REC114: variants seen among roughly 807,000 people sequenced by gnomAD.
REC114 encodes REC114 meiotic recombination protein, also known as meiotic recombination protein REC114.
A neutral mutation model predicts 31.3 loss-of-function variants in REC114; 27 were observed. The ratio of observed to expected loss-of-function variants is 0.86; its 90% CI spans 0.64 to 1.19. REC114 has a LOEUF of 1.19. Ranked by LOEUF, REC114 falls within the 50% of genes most tolerant of loss-of-function variation. The pLI is 0.00. For missense variants in REC114, 344 were observed against 326.9 expected (o/e 1.05, Z -0.40); for synonymous variants, 134 against 127.7 (o/e 1.05, Z -0.33).
intron 1 of REC114, among the ~76,000 whole-genome samples, chr15:73,453,161 C>A (rs1892873200): frequency 6.6e-6 from 1 of 152,156 alleles, no homozygotes; most frequent in African/African-American, 2.4e-5. Flanking sequence ...AGAGCTTCTG[C>A]ACAGCAAAAG....
Position 73,525,176 on chromosome 15 carries a change from C to A in REC114, c.250-15309C>A, listed in dbSNP as rs529538656. The stretch of plus-strand genomic sequence containing the variant: ...AAAGTGCAGGGATTACAGACATGAG[C>A]CAAGTTGTACTATTCTTACTATCTT... On this transcript the variant is annotated intron_variant, in intron 2 of 5. Coordinates refer to ENST00000331090, the MANE Select transcript of REC114 (RefSeq NM_001042367.2). Among the ~76,000 whole-genome samples, 6 of 152,258 alleles carry A rather than the reference C, an allele frequency of 3.9e-5. No individual in the cohort carries two copies. In the East Asian group the frequency reaches 1.2e-3, roughly 29 times the overall value.
chr15:73,473,649 C>CTA (rs912106517), intron 1 of REC114, among the ~76,000 whole-genome samples, 183 bp from the exon 2 acceptor site: 2 of 151,846 alleles, frequency 1.3e-5, no homozygotes, highest in African/African-American at 4.8e-5. Context: ...GGCTGTTAGC[C>CTA]TATATATATG....
In REC114 at chr15:73,538,898, TA is replaced by T. The variant is rs879777585; in HGVS notation, c.250-1573del. On this transcript the variant is annotated intron_variant, in intron 2 of 5. Transcript: ENST00000331090. ...CCTGAGTTGTTTCCAATCTTATGTTTAAAAAAAAAAAAAAGCAGAAATGCTT... is the reference window on the plus strand; with the variant it reads ...CCTGAGTTGTTTCCAATCTTATGTTTAAAAAAAAAAAAAGCAGAAATGCTT... Among the ~76,000 whole-genome samples, 1,389 of 140,482 alleles carry T rather than the reference TA, an allele frequency of 9.9e-3. 7 individuals are homozygous for T. The highest frequency in any genetic ancestry group is 0.013 in the Non-Finnish European group (803 of 64,124). The allele number at this position is 140,482 out of a possible 152,430, so 92.2% of individuals were successfully genotyped here. A position where few individuals can be genotyped will look rare whatever the true frequency, so the allele number is the denominator to read the frequency against.
chr15:73,493,454 TAA>T (rs548115913), intron 2 of REC114, among the ~76,000 whole-genome samples: 84 of 152,330 alleles, frequency 5.5e-4, no homozygotes, highest in Non-Finnish European at 8.1e-4. Flanking sequence ...TCTTGAGGGT[TAA>T]GTTTTCCCCT....
intron 1 of REC114, among the ~76,000 whole-genome samples, chr15:73,473,282 G>A (rs540552353): frequency 6.6e-6 from 1 of 151,974 alleles, no homozygotes; most frequent in East Asian, 1.9e-4. Context: ...CCAGCTACTC[G>A]CGAGGCTGAG....
chr15:73,507,025 A>G (rs1391712930), intron 2 of REC114, among the ~76,000 whole-genome samples: 1 of 152,184 alleles, frequency 6.6e-6, no homozygotes, highest in Admixed American at 6.5e-5. Context: ...AGCTTGCTAC[A>G]TAAAAAAATT....
intron 4 of REC114, among the ~76,000 whole-genome samples, chr15:73,552,149 C>G (rs187856428): frequency 1.3e-5 from 2 of 152,316 alleles, no homozygotes; most frequent in African/African-American, 4.8e-5. Flanking sequence ...GCCATGGTTT[C>G]AGATTCTATA....
chr15:73,457,470 C>T (rs894445560), intron 1 of REC114, among the ~76,000 whole-genome samples: 1 of 152,132 alleles, frequency 6.6e-6, no homozygotes, highest in African/African-American at 2.4e-5. Context: ...GCACTGACCT[C>T]CTAGGACTCG....
At chr15:73,526,289 G>C (rs1201509704) in intron 2 of REC114, among the ~76,000 whole-genome samples, 1 of 152,056 alleles carries the variant, frequency 6.6e-6, no homozygotes, top group Non-Finnish European at 1.5e-5. Flanking sequence ...TCTTTTCAGG[G>C]TTTAGACCCT....
chr15:73,558,729 G>A (rs1014725539), intron 5 of REC114, among the ~76,000 whole-genome samples: 52 of 152,306 alleles, frequency 3.4e-4, no homozygotes, highest in African/African-American at 1.2e-3. Context: ...AAATGGGACA[G>A]CCACTATAGA....
chr15:73,482,636 T>C (rs1462585729), intron 2 of REC114, among the ~76,000 whole-genome samples: 3 of 152,376 alleles, frequency 2.0e-5, no homozygotes, highest in Middle Eastern at 3.4e-3. Context: ...CATAATGTTA[T>C]CAAGATTGCT....
intron 2 of REC114, among the ~76,000 whole-genome samples, chr15:73,491,762 C>T (rs1166755712): frequency 2.6e-5 from 4 of 151,982 alleles, no homozygotes; most frequent in Non-Finnish European, 5.9e-5. Context: ...TAGCCAGGCC[C>T]GGTGGCACAT....
intron 1 of REC114, 116 bp downstream of exon 1, chr15:73,443,460 GC>G: frequency 8.0e-7 from 1 of 1,248,376 alleles, no homozygotes; most frequent in Non-Finnish European, 1.1e-6. Context: ...CCGAGTGACT[GC>G]CAGGCCTGTT....
intron 2 of REC114, among the ~76,000 whole-genome samples, chr15:73,524,822 C>T (rs762267619): frequency 1.3e-5 from 2 of 152,196 alleles, no homozygotes; most frequent in Admixed American, 1.3e-4. Flanking sequence ...TGGTCTTGAA[C>T]TCCTGGCTTC....
chr15:73,497,431 A>G (rs1334006150), intron 2 of REC114, among the ~76,000 whole-genome samples: 1 of 152,168 alleles, frequency 6.6e-6, no homozygotes. Context: ...GTTATCCATC[A>G]CTATCATTAT....
chr15:73,526,569 T>C (rs1444080403), intron 2 of REC114, among the ~76,000 whole-genome samples: 5 of 152,184 alleles, frequency 3.3e-5, no homozygotes, highest in Non-Finnish European at 5.9e-5. Context: ...CTGTGTAATG[T>C]ATGAAACTTA....
chr15:73,505,584 A>G (rs57995256), intron 2 of REC114, among the ~76,000 whole-genome samples: 23,022 of 150,418 alleles, frequency 0.15, 2,902 homozygotes, highest in African/African-American at 0.35. Flanking sequence ...CAGGCTGGAG[A>G]GCAGTGGCGC....
chr15:73,542,723 TG>T (rs1217646512), intron 3 of REC114, among the ~76,000 whole-genome samples: 1 of 152,172 alleles, frequency 6.6e-6, no homozygotes, highest in Non-Finnish European at 1.5e-5. Context: ...ATTTATAAAA[TG>T]GGGATTGTAG....
chr15:73,514,928 GA>G (rs1330610732), intron 2 of REC114, among the ~76,000 whole-genome samples: 3 of 139,666 alleles, frequency 2.1e-5, no homozygotes, highest in African/African-American at 8.0e-5. Context: ...TTAACACTCT[GA>G]TTTTTTTTTT....
Sources: gnomAD v4.1 joint callset for allele counts (sites outside exome capture counted in the v4.1 genomes callset) on GRCh38, gnomAD v4.1.1 for gene constraint, MANE v1.5 for transcripts, NCBI Gene and HGNC (gene_info 2026-07-23, HGNC 2026-07-21) for gene names.